The following CCSER1 variants were observed in gnomAD, a reference collection of about 807,000 sequenced individuals.
The protein encoded by CCSER1 is coiled-coil serine rich protein 1, also known as serine-rich coiled-coil domain-containing protein 1.
Under a neutral mutation model 82.0 loss-of-function variants are expected in CCSER1, and 41 were observed. The ratio of observed to expected loss-of-function variants is 0.50; its 90% CI spans 0.39 to 0.65. CCSER1 has a LOEUF of 0.65. Ranked by LOEUF, CCSER1 falls within the 30% of genes least tolerant of loss-of-function variation. The pLI is 0.00. For synonymous variants in CCSER1, 414 were observed against 383.9 expected (o/e 1.08, Z -0.92); for missense variants, 1,119 against 1,064.2 (o/e 1.05, Z -0.72).
At chr4:90,388,828 G>A (rs1322875026) in intron 3 of CCSER1, among the ~76,000 whole-genome samples, 1 of 150,578 alleles carries the variant, frequency 6.6e-6, no homozygotes, top group Non-Finnish European at 1.5e-5. Flanking sequence ...TAGAGACTGG[G>A]TTTCACCATT....
chr4:90,569,344 T>C (rs1461468731), intron 5 of CCSER1, among the ~76,000 whole-genome samples: 1 of 152,072 alleles, frequency 6.6e-6, no homozygotes, highest in African/African-American at 2.4e-5. Context: ...TCTGGACTGA[T>C]TGGCAAAAAT....
chr4:90,140,912 G>A (rs545904356), intron 1 of CCSER1, among the ~76,000 whole-genome samples: 50 of 151,832 alleles, frequency 3.3e-4, no homozygotes, highest in African/African-American at 9.9e-4. Flanking sequence ...TGATCTGCCC[G>A]CCTCAGCCTC....
Position 90,993,596 on chromosome 4 carries a change from C to A in CCSER1, c.2172+70149C>A, listed in dbSNP as rs149938017. ...TGGCTTAAACAACAAACATTTAATTCTCATGGTTCTGGAGGCTAGGAAGTC... is the reference window on the plus strand; with the variant it reads ...TGGCTTAAACAACAAACATTTAATTATCATGGTTCTGGAGGCTAGGAAGTC... On this transcript the variant is annotated intron_variant, in intron 9 of 10. Coordinates refer to ENST00000509176, the MANE Select transcript of CCSER1 (RefSeq NM_001145065.2). 3.5e-3 allele frequency among the ~76,000 whole-genome samples: 537 copies of A among 151,988 alleles called. 5 individuals are homozygous for A. Among genetic ancestry groups the A allele is most frequent in the African/African-American group, 0.012 (512 of 41,442 alleles).
chr4:90,243,037 A>ATC (rs1048401484), intron 1 of CCSER1, among the ~76,000 whole-genome samples: 2 of 146,058 alleles, frequency 1.4e-5, no homozygotes, highest in East Asian at 2.0e-4. Flanking sequence ...CAGCTAGTTG[A>ATC]TCTCTCTCTC....
intron 1 of CCSER1, among the ~76,000 whole-genome samples, chr4:90,166,458 AT>A (rs1254342321): frequency 6.6e-6 from 1 of 151,638 alleles, no homozygotes; most frequent in Non-Finnish European, 1.5e-5. Flanking sequence ...ACTTGACATA[AT>A]TTTTTTTGGA....
At chr4:90,711,440 C>T (rs1740593692) in intron 6 of CCSER1, among the ~76,000 whole-genome samples, 1 of 151,962 alleles carries the variant, frequency 6.6e-6, no homozygotes, top group Admixed American at 6.6e-5. Context: ...CAGCTTTTGC[C>T]CATTTAGTAT....
At chr4:90,207,918 T>G (rs1011243023) in intron 1 of CCSER1, among the ~76,000 whole-genome samples, 1 of 152,162 alleles carries the variant, frequency 6.6e-6, no homozygotes, top group Non-Finnish European at 1.5e-5. Flanking sequence ...AGTGCTCCTG[T>G]GTGAGGTGTG....
chr4:90,723,939 G>A lies in CCSER1; in HGVS notation c.1958G>A (p.Ser653Asn), dbSNP rs778786283. 1 of 1,583,346 alleles carries A rather than the reference G, an allele frequency of 6.3e-7. No homozygotes were observed. Among genetic ancestry groups the A allele is most frequent in the South Asian group, 1.2e-5 (1 of 85,686 alleles). ...QESADMSPAS[S>N]TTSLPVSPLT... is the part of the protein sequence containing the mutation. Reference sequence around the variant, plus strand: ...AGTGCAGACATGAGTCCAGCAAGCAGTACCACGTCACTTCCTGTTAGTCCT... The same window carrying A: ...AGTGCAGACATGAGTCCAGCAAGCAATACCACGTCACTTCCTGTTAGTCCT... Residue 653 changes from serine (S) to asparagine (N), a missense_variant, in exon 7 of 11, where the codon AGT becomes AAT. Transcript: ENST00000509176.
chr4:91,031,429 T>A (rs933398314), intron 9 of CCSER1, among the ~76,000 whole-genome samples: 5 of 152,158 alleles, frequency 3.3e-5, no homozygotes, highest in Non-Finnish European at 5.9e-5. Context: ...TGAATGGATT[T>A]TATTTTCAAG....
intron 10 of CCSER1, among the ~76,000 whole-genome samples, chr4:91,358,491 G>A (rs561563633): frequency 2.2e-4 from 32 of 145,602 alleles, no homozygotes; most frequent in East Asian, 6.3e-4. Flanking sequence ...CACTTCTACC[G>A]TTTATACCAA....
intron 3 of CCSER1, among the ~76,000 whole-genome samples, chr4:90,338,083 C>T (rs930230767): frequency 2.0e-5 from 3 of 152,160 alleles, no homozygotes; most frequent in African/African-American, 7.2e-5. Flanking sequence ...ATATTGTACT[C>T]ATAGAAACAC....
At chr4:90,550,129 G>A (rs968477734) in intron 5 of CCSER1, among the ~76,000 whole-genome samples, 2 of 152,142 alleles carry the variant, frequency 1.3e-5, no homozygotes, top group African/African-American at 2.4e-5. Context: ...CAGGGGAAGA[G>A]TAGCCAGTGG....
At chr4:91,306,100 C>T (rs931871182) in intron 10 of CCSER1, among the ~76,000 whole-genome samples, 12 of 126,288 alleles carry the variant, frequency 9.5e-5, no homozygotes, top group East Asian at 2.5e-4. Flanking sequence ...TGTGTGTATA[C>T]GAAAAAAATC....
intron 10 of CCSER1, among the ~76,000 whole-genome samples, chr4:91,171,268 T>C (rs1264278816): frequency 6.6e-6 from 1 of 152,210 alleles, no homozygotes; most frequent in African/African-American, 2.4e-5. Context: ...GTTTCAGCTA[T>C]AAAATTATGC....
intron 1 of CCSER1, among the ~76,000 whole-genome samples, chr4:90,208,373 A>G (rs940205497): frequency 4.6e-5 from 7 of 152,290 alleles, no homozygotes; most frequent in Admixed American, 4.6e-4. Flanking sequence ...CAAGTGTCCC[A>G]TGTCGACTTC....
intron 10 of CCSER1, among the ~76,000 whole-genome samples, chr4:91,374,193 G>A (rs1750237306): frequency 6.6e-6 from 1 of 152,102 alleles, no homozygotes; most frequent in African/African-American, 2.4e-5. Flanking sequence ...TGATGAAGGT[G>A]GCCGCATTTC....
At chr4:90,143,412 GACCATAA>G (rs1725176309) in intron 1 of CCSER1, among the ~76,000 whole-genome samples, 1 of 150,228 alleles carries the variant, frequency 6.7e-6, no homozygotes, top group African/African-American at 2.5e-5. Context: ...TTTTTTCTTA[GACCATAA>G]ACTTCCTGAG....
chr4:91,271,761 T>G (rs1742047830), intron 10 of CCSER1, among the ~76,000 whole-genome samples: 1 of 152,118 alleles, frequency 6.6e-6, no homozygotes, highest in South Asian at 2.1e-4. Flanking sequence ...AGTTTCCTTT[T>G]GTTTGTTTTT....
intron 10 of CCSER1, among the ~76,000 whole-genome samples, chr4:91,094,482 A>G (rs1467742858): frequency 6.6e-6 from 1 of 152,190 alleles, no homozygotes; most frequent in African/African-American, 2.4e-5. Context: ...ACCAAGCGTA[A>G]GTCCTGTACA....
Sources: allele counts gnomAD v4.1 joint callset (sites outside exome capture counted in the v4.1 genomes callset), GRCh38; gene constraint gnomAD v4.1.1; transcripts MANE v1.5; gene names NCBI Gene and HGNC (gene_info 2026-07-23, HGNC 2026-07-21).